The following TASP1 variants were observed in gnomAD, a reference collection of about 807,000 sequenced individuals.
TASP1 encodes the protein threonine aspartase 1.
TASP1 carries 16 observed loss-of-function variants against 56.6 expected under a neutral mutation model. The ratio of observed to expected loss-of-function variants is 0.28; its 90% CI spans 0.19 to 0.43. The LOEUF is 0.43. Among genes scored for constraint, TASP1 ranks in the 20% least tolerant of loss-of-function variants. TASP1 has a pLI of 1.00. For synonymous variants in TASP1, 179 were observed against 184.2 expected, an observed-to-expected ratio of 0.97 and a Z score of 0.23; for missense variants, 393 against 511.6, an observed-to-expected ratio of 0.77 and a Z score of 2.24.
rs137944904 is a variant in TASP1, at chr20:13,493,755, A to G, written c.875-10418T>C. Among the ~76,000 whole-genome samples the G allele has an allele frequency of 1.5e-3, 228 of 152,292 alleles. 2 individuals are homozygous for G. The East Asian group carries it at 0.04, about 26-fold the overall frequency. ...TCCCTTTCATATACATAAATATCCT[A>G]TAAGTTCTGTCCCTCTGGAGAACCC... On this transcript the variant is annotated intron_variant, in intron 10 of 13. Coordinates refer to ENST00000337743, the MANE Select transcript of TASP1 (RefSeq NM_017714.3).
the TASP1 span, among the ~76,000 whole-genome samples, chr20:13,208,311 C>G: frequency 2.0e-5 from 3 of 152,102 alleles, no homozygotes; most frequent in East Asian, 1.9e-4. Context: ...GATAAACAAC[C>G]CAGTTTTTCT....
At chr20:13,185,037 T>C in the TASP1 span, among the ~76,000 whole-genome samples, 1 of 151,750 alleles carries the variant, frequency 6.6e-6, no homozygotes, top group African/African-American at 2.4e-5. Context: ...AAATAACATA[T>C]AATGACTTTA....
chr20:13,382,585 G>C, the TASP1 span, among the ~76,000 whole-genome samples: 28 of 152,322 alleles, frequency 1.8e-4, 1 homozygote, highest in East Asian at 5.2e-3. Flanking sequence ...AGTTGAGGCT[G>C]TGGTGAGCCA....
the TASP1 span, among the ~76,000 whole-genome samples, chr20:13,108,185 C>G: frequency 6.6e-6 from 1 of 152,154 alleles, no homozygotes; most frequent in African/African-American, 2.4e-5. Context: ...TCTGACTTGT[C>G]CTATCCCACT....
At chr20:13,195,396 C>A in the TASP1 span, among the ~76,000 whole-genome samples, 1 of 152,124 alleles carries the variant, frequency 6.6e-6, no homozygotes, top group Non-Finnish European at 1.5e-5. Context: ...CCTCTCTGCC[C>A]GTGTGGAAGT....
the TASP1 span, among the ~76,000 whole-genome samples, chr20:13,349,473 G>T: frequency 6.6e-6 from 1 of 152,162 alleles, no homozygotes; most frequent in Non-Finnish European, 1.5e-5. Context: ...TTCACTGGGA[G>T]AATATTTATA....
chr20:13,498,331 T>TTTTG (rs1210169552), intron 10 of TASP1, among the ~76,000 whole-genome samples: 8 of 135,010 alleles, frequency 5.9e-5, no homozygotes, highest in Non-Finnish European at 1.1e-4. Context: ...TTCTTTTCTT[T>TTTTG]TGTGTGTGTG....
At chr20:13,288,851 C>T in the TASP1 span, among the ~76,000 whole-genome samples, 1 of 151,880 alleles carries the variant, frequency 6.6e-6, no homozygotes, top group African/African-American at 2.4e-5. Flanking sequence ...GTGGCACAAT[C>T]TCAGCTCACT....
intron 13 of TASP1, among the ~76,000 whole-genome samples, chr20:13,404,613 G>T (rs1247310644): frequency 1.3e-5 from 2 of 152,112 alleles, no homozygotes; most frequent in Admixed American, 1.3e-4. Flanking sequence ...TCTAAAGTAA[G>T]TAAGTAAATA....
At chr20:13,600,423 T>TA (rs2047911997) in intron 4 of TASP1, 1 of 152,078 alleles carries the variant, frequency 6.6e-6, no homozygotes, top group South Asian at 2.1e-4. Flanking sequence ...AGTTCAGAAA[T>TA]AGACACACAG....
At chr20:13,638,482 T>C (rs1441009989) in intron 1 of TASP1, among the ~76,000 whole-genome samples, 1 of 151,948 alleles carries the variant, frequency 6.6e-6, no homozygotes, top group Non-Finnish European at 1.5e-5. Flanking sequence ...AGGCCTCTAT[T>C]ACTAAGTAAG....
At chr20:13,629,613 T>TA (rs1435971214) in intron 2 of TASP1, among the ~76,000 whole-genome samples, 1 of 151,890 alleles carries the variant, frequency 6.6e-6, no homozygotes, top group Non-Finnish European at 1.5e-5. Context: ...ACATTATTTT[T>TA]AAAAAACATA....
Position 13,569,603 on chromosome 20 carries a change from T to C in TASP1, c.489-17A>G. On this transcript the variant is annotated splice_polypyrimidine_tract_variant and intron_variant, in intron 6 of 13. Transcript: ENST00000337743. ...ACTAAAAAGCTAACAACAGAAAAAT[T>C]ATTTTTAAAATTCACAGTGTCATCT... 6.2e-7 allele frequency: 1 copy of C among 1,605,454 alleles called. No individual in the cohort carries two copies. Among genetic ancestry groups the C allele is most frequent in the Middle Eastern group, 1.8e-4 (1 of 5,660 alleles).
the TASP1 span, among the ~76,000 whole-genome samples, chr20:13,205,733 A>G: frequency 6.6e-6 from 1 of 152,112 alleles, no homozygotes. Context: ...GCTTCAATGC[A>G]TGAATTTGGA....
At chr20:13,192,254 G>C in the TASP1 span, among the ~76,000 whole-genome samples, 1 of 152,194 alleles carries the variant, frequency 6.6e-6, no homozygotes, top group Non-Finnish European at 1.5e-5. Context: ...ATAAAGAACA[G>C]GGCCGGGAAT....
intron 11 of TASP1, among the ~76,000 whole-genome samples, chr20:13,472,553 C>T (rs990532200): frequency 2.0e-5 from 3 of 151,026 alleles, no homozygotes; most frequent in Non-Finnish European, 4.4e-5. Flanking sequence ...AGGCAACCTA[C>T]AGAATGGGAG....
chr20:13,580,924 T>A lies in TASP1; in HGVS notation c.461A>T (p.Lys154Met). The A allele has an allele frequency of 1.2e-6, 2 of 1,613,498 alleles. No homozygotes were observed. Among genetic ancestry groups the A allele is most frequent in the Non-Finnish European group, 1.7e-6 (2 of 1,179,792 alleles). ...NRLLCEGQKG[K>M]LSAGRIPPCF... ...GGGAGGAATTCTGCCAGCCGAGAGC[T>A]TGCCCTTCTGCCCTTCACATAAGAG... The change falls in exon 6 of 14, where the codon AAG becomes ATG. Residue 154 changes from lysine to methionine, a missense_variant. This residue lies in a region of TASP1 where 293 missense variants were observed against 354.2 expected (regional missense o/e 0.83). Coordinates refer to ENST00000337743, the MANE Select transcript of TASP1 (RefSeq NM_017714.3).
intron 4 of TASP1, among the ~76,000 whole-genome samples, chr20:13,589,440 C>T (rs2047440800): frequency 6.6e-6 from 1 of 152,254 alleles, no homozygotes; most frequent in African/African-American, 2.4e-5. Context: ...CCCTATCTCA[C>T]ACCATGTATA....
intron 12 of TASP1, among the ~76,000 whole-genome samples, chr20:13,429,238 T>C (rs1325429299): frequency 6.6e-6 from 1 of 152,206 alleles, no homozygotes; most frequent in Non-Finnish European, 1.5e-5. Context: ...GCAAATTACC[T>C]GGGGTGAGGA....
Sources: allele counts gnomAD v4.1 joint callset (sites outside exome capture counted in the v4.1 genomes callset), GRCh38; gene constraint gnomAD v4.1.1; regional missense constraint gnomAD v4.1.1; transcripts MANE v1.5; gene names NCBI Gene and HGNC (gene_info 2026-07-23, HGNC 2026-07-21).